ADAM22: variants seen among roughly 807,000 people sequenced by gnomAD.
ADAM22 encodes ADAM metallopeptidase domain 22, also known as disintegrin and metalloproteinase domain-containing protein 22.
ADAM22 carries 65 observed loss-of-function variants against 144.6 expected under a neutral mutation model. The observed-to-expected ratio is 0.45, with a 90% CI of 0.37 to 0.55. The LOEUF is 0.55. Ranked by LOEUF, ADAM22 falls within the 20% of genes least tolerant of loss-of-function variation. The pLI is 0.00. For missense variants in ADAM22, 974 were observed against 1,184.9 expected (o/e 0.82, Z 2.61); for synonymous variants, 391 against 412.6 (o/e 0.95, Z 0.63).
intron 18 of ADAM22, among the ~76,000 whole-genome samples, chr7:88,150,127 C>T (rs751693323): frequency 3.3e-5 from 5 of 152,174 alleles, no homozygotes; most frequent in Non-Finnish European, 7.3e-5. Flanking sequence ...TTAAGTCCTC[C>T]TTCAGCAAGT....
intron 30 of ADAM22, among the ~76,000 whole-genome samples, chr7:88,192,712 G>C (rs1475045984): frequency 1.3e-5 from 2 of 152,078 alleles, no homozygotes; most frequent in Admixed American, 6.6e-5. Flanking sequence ...GAGAAAATTG[G>C]AATTATCGTA....
At chr7:88,138,289 A>G (rs1382255024) in intron 14 of ADAM22, among the ~76,000 whole-genome samples, 5 of 152,220 alleles carry the variant, frequency 3.3e-5, no homozygotes, top group Non-Finnish European at 7.3e-5. Context: ...TGTCTTTTAA[A>G]TCCTACATAG....
chr7:87,953,102 T>A (rs1171545041), intron 2 of ADAM22, among the ~76,000 whole-genome samples: 30 of 152,286 alleles, frequency 2.0e-4, no homozygotes, highest in Non-Finnish European at 2.9e-5. Context: ...CCTGGCTTCA[T>A]TAATTTTTTT....
chr7:87,949,552 G>C (rs1338689860), intron 2 of ADAM22, among the ~76,000 whole-genome samples: 1 of 152,150 alleles, frequency 6.6e-6, no homozygotes, highest in Non-Finnish European at 1.5e-5. Context: ...TTAAGACAAT[G>C]ATGTATGTCT....
intron 4 of ADAM22, among the ~76,000 whole-genome samples, chr7:88,084,881 C>G (rs1384493879): frequency 1.3e-5 from 2 of 152,256 alleles, no homozygotes; most frequent in South Asian, 2.1e-4. Context: ...AAGATGTTGA[C>G]AGGGTTGGTT....
intron 3 of ADAM22, among the ~76,000 whole-genome samples, chr7:87,982,086 C>CAA (rs912469646): frequency 2.0e-5 from 3 of 149,158 alleles, no homozygotes; most frequent in Non-Finnish European, 4.5e-5. Flanking sequence ...CACACACACA[C>CAA]ACACACACAC....
chr7:87,934,261 TC>T lies in ADAM22; in HGVS notation c.-199del. 2 of 507,608 alleles carry T rather than the reference TC, an allele frequency of 3.9e-6. No individual in the cohort carries two copies. Among genetic ancestry groups the T allele is most frequent in the South Asian group, 2.8e-5 (1 of 35,838 alleles). 31.4% of individuals were successfully genotyped at this position (507,608 alleles called of 1,614,324 possible). A position where few individuals can be genotyped will look rare whatever the true frequency, so the allele number is the denominator to read the frequency against. ...ACCGCCCAATGCAGCACTCGCTCGC[TC>T]CCCCCGCCAGCGGAAGCGTCCGCGA... On this transcript the variant is annotated 5_prime_UTR_variant, in exon 1 of 32. Coordinates refer to ENST00000413139, the MANE Select transcript of ADAM22 (RefSeq NM_001324418.2).
intron 22 of ADAM22, among the ~76,000 whole-genome samples, chr7:88,161,798 G>A (rs780010405): frequency 1.3e-5 from 2 of 151,920 alleles, no homozygotes; most frequent in Non-Finnish European, 2.9e-5. Context: ...TTATTAAAAC[G>A]TCAAAAAATA....
chr7:87,946,350 T>G (rs1393571383), intron 2 of ADAM22, among the ~76,000 whole-genome samples: 1 of 152,244 alleles, frequency 6.6e-6, no homozygotes, highest in Admixed American at 6.5e-5. Context: ...TGATAGTTTC[T>G]TTTGCTGTGC....
At position 88,151,016 on chromosome 7, in the gene ADAM22, A is replaced by G; in HGVS notation, c.1602A>G (p.Ser534=). 6.2e-7 allele frequency: 1 copy of G among 1,613,708 alleles called. No individual in the cohort carries two copies. Among genetic ancestry groups the G allele is most frequent in the Non-Finnish European group, 8.5e-7 (1 of 1,179,746 alleles). Residue 534 remains serine (S), a synonymous_variant, in exon 19 of 32, where the codon TCA becomes TCG. Transcript: ENST00000413139. The part of the protein sequence containing the change: ...APNIHKMDGY[S]CDGVQGICFG... ...ATATTCATAAAATGGATGGATATTC[A>G]TGTGATGGTGTTCAGGTAGGTCACT...
At chr7:88,094,706 A>T (rs1343969565) in intron 4 of ADAM22, among the ~76,000 whole-genome samples, 1 of 152,234 alleles carries the variant, frequency 6.6e-6, no homozygotes, top group African/African-American at 2.4e-5. Context: ...TAGGTATTCC[A>T]CATAGCAATT....
At chr7:88,165,400 C>T (rs1190408874) in intron 23 of ADAM22, among the ~76,000 whole-genome samples, 10 of 152,048 alleles carry the variant, frequency 6.6e-5, no homozygotes, top group Non-Finnish European at 5.9e-5. Flanking sequence ...CCCTCTTCAT[C>T]AGACTTTTAT....
chr7:88,087,039 A>T (rs149477568), intron 4 of ADAM22, among the ~76,000 whole-genome samples: 41 of 152,298 alleles, frequency 2.7e-4, no homozygotes, highest in African/African-American at 9.6e-4. Flanking sequence ...AACGAGACAC[A>T]GAGAAGATAT....
intron 3 of ADAM22, among the ~76,000 whole-genome samples, chr7:88,008,562 A>G (rs1368858961): frequency 1.3e-5 from 2 of 152,114 alleles, no homozygotes; most frequent in Non-Finnish European, 2.9e-5. Flanking sequence ...ATGGAATACT[A>G]TGCAGCCATA....
At chr7:88,148,431 A>C (rs1837238374) in intron 17 of ADAM22, among the ~76,000 whole-genome samples, 1 of 152,176 alleles carries the variant, frequency 6.6e-6, no homozygotes, top group Non-Finnish European at 1.5e-5. Context: ...GAAAAACAAA[A>C]ATGCCTATAT....
intron 2 of ADAM22, among the ~76,000 whole-genome samples, chr7:87,966,721 G>GTT (rs71120012): frequency 0.011 from 447 of 39,864 alleles, 134 homozygotes; most frequent in Middle Eastern, 0.038. Flanking sequence ...AAGGAAAGCC[G>GTT]TTTTTTTTTT....
intron 3 of ADAM22, among the ~76,000 whole-genome samples, chr7:88,034,214 C>T (rs1800965858): frequency 6.6e-6 from 1 of 152,174 alleles, no homozygotes; most frequent in South Asian, 2.1e-4. Flanking sequence ...TTGGCTACTG[C>T]TGCCGATTAT....
At chr7:88,090,272 C>T (rs1176172967) in intron 4 of ADAM22, among the ~76,000 whole-genome samples, 1 of 152,148 alleles carries the variant, frequency 6.6e-6, no homozygotes, top group Non-Finnish European at 1.5e-5. Context: ...AGAGAACCCT[C>T]AGGTGCAGGT....
At chr7:88,026,402 G>A (rs1327340596) in intron 3 of ADAM22, among the ~76,000 whole-genome samples, 1 of 152,160 alleles carries the variant, frequency 6.6e-6, no homozygotes. Flanking sequence ...ATGAAAACAG[G>A]ACTGAAGGGG....
Sources: allele counts gnomAD v4.1 joint callset (sites outside exome capture counted in the v4.1 genomes callset), GRCh38; gene constraint gnomAD v4.1.1; transcripts MANE v1.5; gene names NCBI Gene and HGNC (gene_info 2026-07-23, HGNC 2026-07-21).